Variants in MAGI2 observed in about 807,000 individuals in gnomAD.
MAGI2 encodes the protein membrane associated guanylate kinase, WW and PDZ domain containing 2.
MAGI2 carries 35 observed loss-of-function variants against 133.3 expected under a neutral mutation model. That is an observed-to-expected ratio of 0.26 (90% CI 0.20 to 0.35). The LOEUF is 0.35. Ranked by LOEUF, MAGI2 falls within the 10% of genes least tolerant of loss-of-function variation. The pLI, the probability that MAGI2 is intolerant of heterozygous loss-of-function variation, is 1.00. For synonymous variants in MAGI2, 729 were observed against 710.6 expected (o/e 1.03, Z -0.41); for missense variants, 1,636 against 1,863.4 (o/e 0.88, Z 2.25).
At chr7:79,330,847 AT>A (rs2129090450) in intron 1 of MAGI2, among the ~76,000 whole-genome samples, 1 of 152,282 alleles carries the variant, frequency 6.6e-6, no homozygotes, top group East Asian at 1.9e-4. Flanking sequence ...TTATTAAAAC[AT>A]AATCTGAATT....
At chr7:78,785,348 C>T (rs971788100) in intron 2 of MAGI2, among the ~76,000 whole-genome samples, 3 of 152,124 alleles carry the variant, frequency 2.0e-5, no homozygotes, top group East Asian at 3.9e-4. Flanking sequence ...TTTTAGAAAC[C>T]ATTTTTATTG....
At chr7:78,559,035 A>G (rs1481668106) in intron 3 of MAGI2, among the ~76,000 whole-genome samples, 7 of 148,870 alleles carry the variant, frequency 4.7e-5, no homozygotes, top group African/African-American at 1.7e-4. Flanking sequence ...TTCTCTGGTA[A>G]TAGAGGAAAG....
intron 2 of MAGI2, among the ~76,000 whole-genome samples, chr7:78,892,138 T>A (rs1209124276): frequency 6.6e-6 from 1 of 152,066 alleles, no homozygotes; most frequent in Non-Finnish European, 1.5e-5. Context: ...AATTGCTTCA[T>A]AGATAATAAA....
chr7:79,213,696 C>G (rs1829713278), intron 1 of MAGI2, among the ~76,000 whole-genome samples: 1 of 152,020 alleles, frequency 6.6e-6, no homozygotes, highest in Admixed American at 6.6e-5. Flanking sequence ...AATAGAACAT[C>G]TCTAATGGGA....
intron 3 of MAGI2, among the ~76,000 whole-genome samples, chr7:78,620,998 C>A (rs1807671045): frequency 6.6e-6 from 1 of 151,928 alleles, no homozygotes; most frequent in South Asian, 2.1e-4. Context: ...CTGAGGAAGA[C>A]AACTGCTGTA....
At position 78,069,539 on chromosome 7, in the gene MAGI2, G is replaced by GGAGAGAGAGAGAGAGAGAGAGAGAGAGA. The variant is rs3840607; in HGVS notation, c.3706+9380_3706+9407dup. On this transcript the variant is annotated intron_variant, in intron 21 of 21. Transcript: ENST00000354212. ...AGAGAGAGATTGAAAGAAAGAGAGAGGAGAGAGAGAGAGAGAGAGAGAGAG... is the reference window on the plus strand; with the variant it reads ...AGAGAGAGATTGAAAGAAAGAGAGAGGAGAGAGAGAGAGAGAGAGAGAGAGAGAGAGAGAGAGAGAGAGAGAGAGAGAG... 1.5e-3 allele frequency among the ~76,000 whole-genome samples: 203 copies of GGAGAGAGAGAGAGAGAGAGAGAGAGAGA among 134,688 alleles called. 2 individuals are homozygous for GGAGAGAGAGAGAGAGAGAGAGAGAGAGA. The highest frequency in any genetic ancestry group is 3.7e-3 in the Middle Eastern group (1 of 268). The allele number at this position is 134,688 out of a possible 152,430, so 88.4% of individuals were successfully genotyped here. A position where few individuals can be genotyped will look rare whatever the true frequency, so the allele number is the denominator to read the frequency against.
intron 2 of MAGI2, among the ~76,000 whole-genome samples, chr7:78,999,700 G>A (rs1023224376): frequency 6.6e-6 from 1 of 152,146 alleles, no homozygotes; most frequent in Non-Finnish European, 1.5e-5. Flanking sequence ...ATATGCTACT[G>A]TTTAGAAGCT....
intron 1 of MAGI2, among the ~76,000 whole-genome samples, chr7:79,071,918 A>G (rs533937698): frequency 1.2e-4 from 18 of 152,182 alleles, no homozygotes; most frequent in African/African-American, 4.3e-4. Flanking sequence ...GGACCCACTG[A>G]GCCAGGTACT....
chr7:78,423,158 G>A (rs1330815334), intron 6 of MAGI2, among the ~76,000 whole-genome samples: 1 of 152,190 alleles, frequency 6.6e-6, no homozygotes, highest in African/African-American at 2.4e-5. Flanking sequence ...ATTATGGGAG[G>A]AATTTGGTGG....
Position 78,479,111 on chromosome 7 carries a change from T to C in MAGI2, c.1045+10650A>G, listed in dbSNP as rs192018730. Among the ~76,000 whole-genome samples the C allele has an allele frequency of 5.8e-3, 883 of 151,932 alleles. 3 individuals are homozygous for C. The highest frequency in any genetic ancestry group is 8.4e-3 in the Non-Finnish European group (570 of 67,864). On this transcript the variant is annotated intron_variant, in intron 6 of 21. Coordinates refer to ENST00000354212, the MANE Select transcript of MAGI2 (RefSeq NM_012301.4). ...ATCAATCCTGGTCAAATTTGGAAAA[T>C]AATATAATCTCCAAGAATTACAACT...
intron 4 of MAGI2, among the ~76,000 whole-genome samples, chr7:78,503,269 C>T (rs116663726): frequency 1.3e-3 from 195 of 152,134 alleles, no homozygotes; most frequent in African/African-American, 4.5e-3. Flanking sequence ...TATCTGAGGG[C>T]AAAATTTGAA....
At chr7:79,073,210 T>C (rs1354936451) in intron 1 of MAGI2, among the ~76,000 whole-genome samples, 1 of 152,086 alleles carries the variant, frequency 6.6e-6, no homozygotes, top group East Asian at 1.9e-4. Context: ...GCTATTGGAG[T>C]ATACCAATAA....
intron 1 of MAGI2, among the ~76,000 whole-genome samples, chr7:79,227,984 T>C (rs944668912): frequency 1.3e-5 from 2 of 152,198 alleles, no homozygotes; most frequent in Non-Finnish European, 2.9e-5. Context: ...TCTGTGTTAA[T>C]GTGGCCAGGG....
At chr7:78,172,896 G>T (rs1826249924) in intron 14 of MAGI2, among the ~76,000 whole-genome samples, 1 of 152,154 alleles carries the variant, frequency 6.6e-6, no homozygotes, top group Admixed American at 6.5e-5. Context: ...CCCAGACGGG[G>T]TCATTCTGAG....
chr7:78,705,401 A>C (rs1483231542), intron 2 of MAGI2, among the ~76,000 whole-genome samples: 1 of 152,158 alleles, frequency 6.6e-6, no homozygotes, highest in Non-Finnish European at 1.5e-5. Context: ...TGAGTCAAGT[A>C]AACCTCTTTC....
chr7:79,155,417 G>A (rs1823676149), intron 1 of MAGI2, among the ~76,000 whole-genome samples: 2 of 152,050 alleles, frequency 1.3e-5, no homozygotes, highest in African/African-American at 4.8e-5. Context: ...AGTGGGGAGG[G>A]GGGCCATGGT....
intron 1 of MAGI2, among the ~76,000 whole-genome samples, chr7:79,160,445 T>C (rs921657034): frequency 3.3e-5 from 5 of 152,076 alleles, no homozygotes; most frequent in African/African-American, 1.2e-4. Context: ...AATGGTATAA[T>C]ATAAAGGAAT....
chr7:79,387,860 T>C (rs1844303441), intron 1 of MAGI2, among the ~76,000 whole-genome samples: 2 of 151,960 alleles, frequency 1.3e-5, no homozygotes, highest in Admixed American at 6.6e-5. Flanking sequence ...AAACAAACTA[T>C]AGCAATAATC....
chr7:78,332,494 C>T (rs973493855), intron 9 of MAGI2, among the ~76,000 whole-genome samples: 1 of 152,032 alleles, frequency 6.6e-6, no homozygotes, highest in Non-Finnish European at 1.5e-5. Flanking sequence ...GTCAGGAGAT[C>T]GAGACCATCC....
Sources: gnomAD v4.1 joint callset for allele counts (sites outside exome capture counted in the v4.1 genomes callset) on GRCh38, gnomAD v4.1.1 for gene constraint, MANE v1.5 for transcripts, NCBI Gene and HGNC (gene_info 2026-07-23, HGNC 2026-07-21) for gene names.